SH3RF3: variants seen among roughly 807,000 people sequenced by gnomAD.
SH3RF3 encodes the protein E3 ubiquitin-protein ligase SH3RF3.
SH3RF3 carries 29 observed loss-of-function variants against 66.3 expected under a neutral mutation model. The observed-to-expected ratio is 0.44, with a 90% CI of 0.33 to 0.60. SH3RF3 has a LOEUF of 0.60. Ranked by LOEUF, SH3RF3 falls within the 20% of genes least tolerant of loss-of-function variation. SH3RF3 has a pLI of 0.04. For synonymous variants in SH3RF3, 583 were observed against 532.0 expected, an observed-to-expected ratio of 1.10 and a Z score of -1.32; for missense variants, 1,194 against 1,190.9, an observed-to-expected ratio of 1.00 and a Z score of -0.04.
At chr2:109,271,699 G>A (rs897422146) in intron 1 of SH3RF3, among the ~76,000 whole-genome samples, 5 of 152,180 alleles carry the variant, frequency 3.3e-5, no homozygotes, top group African/African-American at 9.7e-5. Context: ...TAGGACGAAG[G>A]GCCCCCCTCT....
intron 7 of SH3RF3, among the ~76,000 whole-genome samples, chr2:109,444,321 A>G (rs1677649735): frequency 6.6e-6 from 1 of 152,220 alleles, no homozygotes; most frequent in Non-Finnish European, 1.5e-5. Context: ...TAATATTTAA[A>G]AAGTCAACTC....
At position 109,249,223 on chromosome 2, in the gene SH3RF3, G is replaced by A. The variant is rs561226743; in HGVS notation, c.574-98451G>A. Among the ~76,000 whole-genome samples, 3 of 152,220 alleles carry A rather than the reference G, an allele frequency of 2.0e-5. No individual in the cohort carries two copies. The East Asian group carries it at 5.8e-4, about 29-fold the overall frequency. ...AACTTCAGCTAAGCAACTCCCCCCCGACTCCTACCCTGTTCTTTCTTCAGG... is the reference window on the plus strand; with the variant it reads ...AACTTCAGCTAAGCAACTCCCCCCCAACTCCTACCCTGTTCTTTCTTCAGG... On this transcript the variant is annotated intron_variant, in intron 1 of 9. Transcript: ENST00000309415.
intron 1 of SH3RF3, among the ~76,000 whole-genome samples, chr2:109,252,232 A>G (rs1463081585): frequency 1.3e-5 from 2 of 149,334 alleles, no homozygotes; most frequent in East Asian, 3.9e-4. Flanking sequence ...CAGGTGACAC[A>G]GTGAGACCCT....
At chr2:109,291,662 T>A (rs1234507091) in intron 1 of SH3RF3, among the ~76,000 whole-genome samples, 1 of 152,170 alleles carries the variant, frequency 6.6e-6, no homozygotes, top group Non-Finnish European at 1.5e-5. Flanking sequence ...ATTGTTCCAG[T>A]GGGGTGTGAG....
chr2:109,454,188 G>A (rs992353028), intron 8 of SH3RF3, among the ~76,000 whole-genome samples: 6 of 152,296 alleles, frequency 3.9e-5, no homozygotes, highest in East Asian at 1.9e-4. Flanking sequence ...AAAATAGGAG[G>A]AAATACTTAC....
At chr2:109,477,617 T>G (rs557487864) in intron 8 of SH3RF3, among the ~76,000 whole-genome samples, 1,974 of 39,168 alleles carry the variant, frequency 0.05, 48 homozygotes, top group African/African-American at 0.11. Context: ...CAGATGGGTG[T>G]GTGTGTGTGT....
intron 8 of SH3RF3, among the ~76,000 whole-genome samples, chr2:109,488,803 C>G (rs958349834): frequency 2.6e-5 from 4 of 152,246 alleles, no homozygotes; most frequent in Non-Finnish European, 4.4e-5. Flanking sequence ...CTATTGCTCA[C>G]AACCTCCAGG....
At chr2:109,386,232 C>T (rs180756490) in intron 3 of SH3RF3, among the ~76,000 whole-genome samples, 1 of 152,330 alleles carries the variant, frequency 6.6e-6, no homozygotes, top group Admixed American at 6.5e-5. Context: ...CCGGCCTTCT[C>T]CCCAGTCCCT....
chr2:109,371,338 G>A (rs113282987), intron 2 of SH3RF3, among the ~76,000 whole-genome samples: 5 of 152,178 alleles, frequency 3.3e-5, no homozygotes, highest in African/African-American at 1.2e-4. Flanking sequence ...TGCAGTGAGC[G>A]GAGATTGCGC....
chr2:109,208,246 C>T (rs367894386), intron 1 of SH3RF3, among the ~76,000 whole-genome samples: 4 of 152,204 alleles, frequency 2.6e-5, no homozygotes, highest in Non-Finnish European at 4.4e-5. Context: ...GTGATGGATT[C>T]GATATGGTTG....
chr2:109,408,331 A>G (rs1227989695), intron 4 of SH3RF3, among the ~76,000 whole-genome samples: 1 of 152,160 alleles, frequency 6.6e-6, no homozygotes, highest in Admixed American at 6.5e-5. Flanking sequence ...GTGAAGACCC[A>G]TGATGGCCCT....
chr2:109,486,896 A>G (rs1366583238), intron 8 of SH3RF3, among the ~76,000 whole-genome samples: 1 of 152,234 alleles, frequency 6.6e-6, no homozygotes, highest in East Asian at 1.9e-4. Context: ...GTTTCAGAGC[A>G]AACGAGACGT....
intron 1 of SH3RF3, among the ~76,000 whole-genome samples, chr2:109,337,934 G>A (rs78802815): frequency 0.12 from 17,693 of 151,720 alleles, 1,228 homozygotes; most frequent in East Asian, 0.24. Flanking sequence ...ATTTTGCCAC[G>A]TTACCCCGGC....
At chr2:109,418,739 A>G (rs1245493327) in intron 4 of SH3RF3, among the ~76,000 whole-genome samples, 1 of 152,180 alleles carries the variant, frequency 6.6e-6, no homozygotes, top group African/African-American at 2.4e-5. Context: ...AGAGGTACAC[A>G]GGTCAGACCC....
At chr2:109,256,372 A>G (rs776122595) in intron 1 of SH3RF3, among the ~76,000 whole-genome samples, 1 of 152,224 alleles carries the variant, frequency 6.6e-6, no homozygotes. Flanking sequence ...ACAGTGTGTC[A>G]TTAGGGATAT....
chr2:109,459,613 G>A (rs1400616742), intron 8 of SH3RF3, among the ~76,000 whole-genome samples: 4 of 152,110 alleles, frequency 2.6e-5, no homozygotes, highest in South Asian at 2.1e-4. Context: ...AGTTTCCCAC[G>A]GTGGTCAGGA....
intron 1 of SH3RF3, among the ~76,000 whole-genome samples, chr2:109,144,488 C>G (rs1677045566): frequency 6.6e-6 from 1 of 152,220 alleles, no homozygotes; most frequent in Non-Finnish European, 1.5e-5. Context: ...TCACGCCCAG[C>G]TGTGGATGTG....
chr2:109,280,087 A>G (rs1680847716), intron 1 of SH3RF3, among the ~76,000 whole-genome samples: 2 of 152,142 alleles, frequency 1.3e-5, no homozygotes, highest in African/African-American at 4.8e-5. Context: ...CCCAGAGACA[A>G]CAGAGTTCTT....
intron 4 of SH3RF3, among the ~76,000 whole-genome samples, chr2:109,413,254 A>G (rs543800259): frequency 8.7e-4 from 132 of 152,274 alleles, no homozygotes; most frequent in Admixed American, 2.0e-3. Context: ...AACTGGGATT[A>G]CAGGTGCTTG....
Sources: gnomAD v4.1 joint callset for allele counts (sites outside exome capture counted in the v4.1 genomes callset) on GRCh38, gnomAD v4.1.1 for gene constraint, MANE v1.5 for transcripts, NCBI Gene and HGNC (gene_info 2026-07-23, HGNC 2026-07-21) for gene names.